SPATA16: variants seen among roughly 807,000 people sequenced by gnomAD.
The protein encoded by SPATA16 is spermatogenesis-associated protein 16.
Under a neutral mutation model 63.3 loss-of-function variants are expected in SPATA16, and 36 were observed. The ratio of observed to expected loss-of-function variants is 0.57; its 90% CI spans 0.44 to 0.75. The LOEUF is 0.75. SPATA16 is among the 30% of genes least tolerant of loss of function. SPATA16 has a pLI of 0.00. For missense variants in SPATA16, 646 were observed against 679.3 expected (o/e 0.95, Z 0.54); for synonymous variants, 203 against 216.7 (o/e 0.94, Z 0.56).
chr3:173,027,954 T>C (rs1279930335), intron 3 of SPATA16, among the ~76,000 whole-genome samples: 1 of 146,188 alleles, frequency 6.8e-6, no homozygotes, highest in Non-Finnish European at 1.5e-5. Context: ...GACTAGGGAT[T>C]AGGGAACAAA....
chr3:172,913,051 A>G (rs768720390), intron 10 of SPATA16, among the ~76,000 whole-genome samples: 9 of 152,188 alleles, frequency 5.9e-5, no homozygotes, highest in Non-Finnish European at 1.2e-4. Context: ...ATTGATCAGA[A>G]CTTAATACTT....
At position 172,961,771 on chromosome 3, in the gene SPATA16, C is replaced by A. The variant is rs553022750; in HGVS notation, c.934-4947G>T. The stretch of plus-strand genomic sequence containing the variant: ...AGTCTCTAATGTTATATTTCACTTT[C>A]TTTTTTGAAAATTATGACTTTACCT... On this transcript the variant is annotated intron_variant, in intron 5 of 10. Coordinates refer to ENST00000351008, the MANE Select transcript of SPATA16 (RefSeq NM_031955.6). Among the ~76,000 whole-genome samples the A allele has an allele frequency of 5.3e-5, 8 of 152,204 alleles. No homozygotes were observed. The South Asian group carries it at 1.5e-3, about 28-fold the overall frequency.
At chr3:172,904,226 A>G (rs917308252) in intron 10 of SPATA16, among the ~76,000 whole-genome samples, 1 of 152,254 alleles carries the variant, frequency 6.6e-6, no homozygotes, top group Admixed American at 6.5e-5. Context: ...ATAACTGATA[A>G]TATCTGTCAT....
intron 3 of SPATA16, among the ~76,000 whole-genome samples, chr3:173,040,149 C>T (rs1196439919): frequency 6.6e-6 from 1 of 152,036 alleles, no homozygotes; most frequent in African/African-American, 2.4e-5. Context: ...GTAAAGAAAC[C>T]TCTAATAAGA....
intron 5 of SPATA16, among the ~76,000 whole-genome samples, chr3:172,959,356 T>C (rs942926435): frequency 1.1e-4 from 17 of 152,218 alleles, no homozygotes; most frequent in African/African-American, 4.1e-4. Context: ...GAAGGATCTG[T>C]ACTCTTGGCT....
intron 10 of SPATA16, among the ~76,000 whole-genome samples, chr3:172,891,217 A>C (rs1731888986): frequency 6.6e-6 from 1 of 152,214 alleles, no homozygotes; most frequent in South Asian, 2.1e-4. Context: ...ATAATTTTAA[A>C]TTACAATTCT....
chr3:172,924,198 A>C lies in SPATA16; in HGVS notation c.1338+10T>G. ...TACATTGGACAAATATAAAAGACTC[A>C]TATACCTACATTCAATTGGGTGCTT... On this transcript the variant is annotated intron_variant, in intron 8 of 10. Transcript: ENST00000351008. 1 of 1,587,862 alleles carries C rather than the reference A, an allele frequency of 6.3e-7. No homozygotes were observed. Among genetic ancestry groups the C allele is most frequent in the Non-Finnish European group, 8.6e-7 (1 of 1,156,912 alleles).
At chr3:172,998,577 T>C (rs932783651) in intron 4 of SPATA16, among the ~76,000 whole-genome samples, 3 of 152,190 alleles carry the variant, frequency 2.0e-5, no homozygotes, top group Non-Finnish European at 4.4e-5. Flanking sequence ...CAGTGACATA[T>C]TGAAAAGCAA....
At chr3:172,991,333 G>A (rs1302448382) in intron 4 of SPATA16, among the ~76,000 whole-genome samples, 6 of 152,020 alleles carry the variant, frequency 3.9e-5, no homozygotes, top group Non-Finnish European at 8.8e-5. Flanking sequence ...GCTCTTCAAG[G>A]GCAGAAATCT....
intron 3 of SPATA16, among the ~76,000 whole-genome samples, chr3:173,031,154 C>G (rs1735595238): frequency 6.6e-6 from 1 of 151,988 alleles, no homozygotes; most frequent in African/African-American, 2.4e-5. Context: ...TGGAAATTGC[C>G]TGCACAACGT....
chr3:173,005,037 A>T (rs1047726244), intron 4 of SPATA16, among the ~76,000 whole-genome samples: 1 of 152,212 alleles, frequency 6.6e-6, no homozygotes, highest in African/African-American at 2.4e-5. Flanking sequence ...AAAATGTAGA[A>T]TCAGGCCGGG....
chr3:173,050,410 T>C (rs1290926248), intron 2 of SPATA16, among the ~76,000 whole-genome samples: 2 of 152,100 alleles, frequency 1.3e-5, no homozygotes, highest in Non-Finnish European at 2.9e-5. Flanking sequence ...ATGAATGAAA[T>C]ATGTTACTTT....
chr3:173,047,149 C>G (rs1735975714), intron 3 of SPATA16, among the ~76,000 whole-genome samples: 1 of 151,062 alleles, frequency 6.6e-6, no homozygotes, highest in African/African-American at 2.4e-5. Context: ...ATTGCAGCAT[C>G]TTGTGGTTCT....
At chr3:172,890,196 T>C (rs1001450973) in intron 10 of SPATA16, among the ~76,000 whole-genome samples, 1 of 152,140 alleles carries the variant, frequency 6.6e-6, no homozygotes, top group African/African-American at 2.4e-5. Flanking sequence ...CTCCTTTCAA[T>C]CAAAATTCTG....
intron 2 of SPATA16, among the ~76,000 whole-genome samples, chr3:173,088,748 C>G (rs1177299622): frequency 6.6e-6 from 1 of 152,140 alleles, no homozygotes; most frequent in Admixed American, 6.5e-5. Context: ...CATGGATGTC[C>G]TAGGTACAAA....
At chr3:172,970,673 CAAAT>C (rs938427026) in intron 5 of SPATA16, among the ~76,000 whole-genome samples, 21 of 152,046 alleles carry the variant, frequency 1.4e-4, no homozygotes, top group African/African-American at 5.1e-4. Flanking sequence ...CTGACAGGGC[CAAAT>C]AAATAAATAC....
chr3:172,962,276 A>G lies in SPATA16; in HGVS notation c.934-5452T>C, dbSNP rs909589545. ...CTCAAAAAAAAAAAAAAAAAAAAAAAAAGGACTCACAGGTGGGAAGGAAGA... is the reference window on the plus strand; with the variant it reads ...CTCAAAAAAAAAAAAAAAAAAAAAAGAAGGACTCACAGGTGGGAAGGAAGA... On this transcript the variant is annotated intron_variant, in intron 5 of 10. Coordinates refer to ENST00000351008, the MANE Select transcript of SPATA16 (RefSeq NM_031955.6). 3.3e-5 allele frequency among the ~76,000 whole-genome samples: 5 copies of G among 150,994 alleles called. No homozygotes were observed. In the South Asian group the frequency reaches 6.3e-4, roughly 19 times the overall value.
At chr3:173,018,981 A>G (rs1366850005) in intron 4 of SPATA16, among the ~76,000 whole-genome samples, 1 of 152,158 alleles carries the variant, frequency 6.6e-6, no homozygotes, top group African/African-American at 2.4e-5. Flanking sequence ...TGGGATGCAA[A>G]TATTAGGGGA....
intron 6 of SPATA16, among the ~76,000 whole-genome samples, chr3:172,927,835 G>T (rs771149130): frequency 3.1e-4 from 47 of 152,168 alleles, no homozygotes; most frequent in Non-Finnish European, 5.9e-4. Context: ...AAATGCTGAA[G>T]AGTTCCCAAA....
Sources: gnomAD v4.1 joint callset for allele counts (sites outside exome capture counted in the v4.1 genomes callset) on GRCh38, gnomAD v4.1.1 for gene constraint, MANE v1.5 for transcripts, NCBI Gene and HGNC (gene_info 2026-07-23, HGNC 2026-07-21) for gene names.